The following RPTN variants were observed in gnomAD, a reference collection of about 807,000 sequenced individuals.
RPTN encodes repetin.
In RPTN, 4 loss-of-function variants were observed where a neutral mutation model predicts 3.6. That is an observed-to-expected ratio of 1.12 (90% confidence interval 0.55 to 2.55). RPTN has a LOEUF of 2.55. Ranked by LOEUF, RPTN falls within the 30% of genes most tolerant of loss-of-function variation. The pLI, the probability that RPTN is intolerant of heterozygous loss-of-function variation, is 0.02. For synonymous variants in RPTN, 293 were observed against 319.3 expected (o/e 0.92, Z 0.88); for missense variants, 860 against 916.7 (o/e 0.94, Z 0.80).
rs202164910 is a variant in RPTN, at chr1:152,154,816, G to C, written c.2283C>G (p.Thr761=). ...EQSHQRRDRQ[T]HEDKQNRQRR... Reference sequence around the variant, plus strand: ...TCTGACGGTTCTGCTTGTCTTCATGGGTTTGCCTGTCTCGTCTCTGATGGC... The same window carrying C: ...TCTGACGGTTCTGCTTGTCTTCATGCGTTTGCCTGTCTCGTCTCTGATGGC... Residue 761 remains threonine, a synonymous_variant, in exon 3 of 3, where the codon ACC becomes ACG. Transcript: ENST00000316073. 6.2e-7 allele frequency: 1 copy of C among 1,613,808 alleles called. No homozygotes were observed. The highest frequency in any genetic ancestry group is 1.7e-5 in the Admixed American group (1 of 60,000).
chr1:152,156,901 A>T lies in RPTN; in HGVS notation c.198T>A (p.Asp66Glu). The T allele has an allele frequency of 6.2e-7, 1 of 1,614,080 alleles. No homozygotes were observed. The highest frequency in any genetic ancestry group is 8.5e-7 in the Non-Finnish European group (1 of 1,180,010). Reference sequence around the variant, plus strand: ...GGTACTCATGAAAATCAATATGTCCATCTCGGTCTTGATCTAAGAGGTTCA... The same window carrying T: ...GGTACTCATGAAAATCAATATGTCCTTCTCGGTCTTGATCTAAGAGGTTCA... ...TILNLLDQDR[D>E]GHIDFHEYLL... The change falls in exon 3 of 3, where the codon GAT becomes GAA. Residue 66 changes from aspartate (D) to glutamate (E), a missense_variant. By Grantham distance (45) the Asp-to-Glu change is conservative. Coordinates refer to ENST00000316073, the MANE Select transcript of RPTN (RefSeq NM_001122965.1).
At position 152,154,999 on chromosome 1, in the gene RPTN, C is replaced by T. The variant is rs758405667; in HGVS notation, c.2100G>A (p.Gly700=). ...QAQTRQSHGE[G]LSHWAEEEQG... Reference sequence around the variant, plus strand: ...GCTCTTCCTCTGCCCAGTGGCTCAGCCCCTCACCATGACTCTGCCTGGTCT... The same window carrying T: ...GCTCTTCCTCTGCCCAGTGGCTCAGTCCCTCACCATGACTCTGCCTGGTCT... The change falls in exon 3 of 3, where the codon GGG becomes GGA. Residue 700 remains glycine (G), a synonymous_variant. Coordinates refer to ENST00000316073, the MANE Select transcript of RPTN (RefSeq NM_001122965.1). 11 of 1,613,738 alleles carry T rather than the reference C, an allele frequency of 6.8e-6. No homozygotes were observed. The Admixed American group carries it at 1.0e-4, about 15-fold the overall frequency.
intron 2 of RPTN, among the ~76,000 whole-genome samples, 192 bp downstream of exon 2, chr1:152,157,559 GT>G (rs1659229419): frequency 1.7e-4 from 2 of 12,040 alleles, no homozygotes; most frequent in African/African-American, 3.8e-4. Context: ...ATACAAGGAG[GT>G]GTGTGTGTGT....
In RPTN at chr1:152,155,273, T is replaced by G. The variant is rs2101556238; in HGVS notation, c.1826A>C (p.Tyr609Ser). ...CCCTGATCTTCCTGATTGTTCAACA[T>G]AAGAGGCTTTTCTTGTTCCTTCAGT... ...QGTEGTRKAS[Y>S]VEQSGRSGRL... is the part of the protein sequence containing the mutation. The change falls in exon 3 of 3, where the codon TAT becomes TCT. Residue 609 changes from tyrosine to serine, a missense_variant. By Grantham distance (144) the Tyr-to-Ser change is moderately radical. Transcript: ENST00000316073. 6.2e-7 allele frequency: 1 copy of G among 1,614,256 alleles called. No homozygotes were observed. The highest frequency in any genetic ancestry group is 2.2e-5 in the East Asian group (1 of 44,888).
chr1:152,156,590 T>C lies in RPTN; in HGVS notation c.509A>G (p.His170Arg). 9.6e-7 allele frequency: 1 copy of C among 1,041,036 alleles called. No individual in the cohort carries two copies. The highest frequency in any genetic ancestry group is 1.2e-6 in the Non-Finnish European group (1 of 810,584). The allele number at this position is 1,041,036 out of a possible 1,614,324, so 64.5% of individuals were successfully genotyped here. Residue 170 changes from histidine (H) to arginine (R), a missense_variant, in exon 3 of 3, where the codon CAC (histidine) becomes CGC (arginine). His to Arg is a conservative substitution (Grantham distance 29). Coordinates refer to ENST00000316073, the MANE Select transcript of RPTN (RefSeq NM_001122965.1). Reference protein sequence around the residue: ...QSEKQDRDSHHSQPERQDRDS... With the variant: ...QSEKQDRDSHRSQPERQDRDS... ...TCTGTCTTGTCTCTCAGGCTGACTG[T>C]GGTGGGAATCTCTGTCTTGTTTCTC... is the stretch of plus-strand genomic sequence containing the variant.
chr1:152,157,931 C>A (rs1264713831), intron 1 of RPTN, 22 bp from the exon 2 acceptor site: 12 of 1,607,896 alleles, frequency 7.5e-6, no homozygotes, highest in Non-Finnish European at 1.0e-5. Context: ...AACAAGATTT[C>A]TCCTGCCGTT....
In RPTN at chr1:152,155,634, T is replaced by C. The variant is rs560526979; in HGVS notation, c.1465A>G (p.Lys489Glu). ...DKQGQSSHYGKIDRQDQSYHY... is the reference protein window; with the variant it reads ...DKQGQSSHYGEIDRQDQSYHY... ...TAACTCTGGTCTTGTCTGTCTATCT[T>C]ACCATAGTGGGAACTCTGGCCTTGT... Residue 489 changes from lysine to glutamate, a missense_variant, in exon 3 of 3, where the codon AAG becomes GAG. By Grantham distance (56) the Lys-to-Glu change is moderately conservative (BLOSUM62 1). Transcript: ENST00000316073. 6.4e-7 allele frequency: 1 copy of C among 1,566,568 alleles called. No homozygotes were observed. Among genetic ancestry groups the C allele is most frequent in the Non-Finnish European group, 8.6e-7 (1 of 1,159,174 alleles).
chr1:152,155,100 G>A lies in RPTN; in HGVS notation c.1999C>T (p.Gln667Ter), dbSNP rs1031122884. The part of the protein sequence containing the change: ...HHQHKLLAQI[Q>*]QERPLCHKGR... ...TTGTGACAAAGTGGTCTTTCTTGTT[G>A]GATTTGTGCTAAGAGTTTGTGTTGG... Residue 667 changes from glutamine (Q) to a stop codon, truncating the protein, a stop_gained, in exon 3 of 3, where the codon CAA (glutamine) becomes TAA (stop). Coordinates refer to ENST00000316073, the MANE Select transcript of RPTN (RefSeq NM_001122965.1). LOFTEE classifies it low-confidence loss of function (END_TRUNC). 1 of 1,613,982 alleles carries A rather than the reference G, an allele frequency of 6.2e-7. No homozygotes were observed. Among genetic ancestry groups the A allele is most frequent in the Non-Finnish European group, 8.5e-7 (1 of 1,180,016 alleles).
Position 152,155,175 on chromosome 1 carries a change from G to A in RPTN, c.1924C>T (p.Gln642Ter), listed in dbSNP as rs969476097. 6.2e-7 allele frequency: 1 copy of A among 1,614,196 alleles called. No individual in the cohort carries two copies. Among genetic ancestry groups the A allele is most frequent in the African/African-American group, 1.3e-5 (1 of 75,058 alleles). Residue 642 changes from glutamine (Q) to a stop codon, truncating the protein, a stop_gained, in exon 3 of 3, where the codon CAG (glutamine) becomes TAG (stop). Coordinates refer to ENST00000316073, the MANE Select transcript of RPTN (RefSeq NM_001122965.1). LOFTEE classifies it low-confidence loss of function (END_TRUNC). ...TCCCATACCTGGTGGCCGTTCTGCT[G>A]TGAGTCCCTAGACTGGAATCCCTGT... ...QGQGFQSRDS[Q>*]QNGHQVWEPE... is the part of the protein sequence containing the mutation.
Position 152,153,597 on chromosome 1 carries a change from T to C in RPTN, c.*1147A>G, listed in dbSNP as rs1340345803. 6.6e-6 allele frequency: 1 copy of C among 152,304 alleles called. No homozygotes were observed. The highest frequency in any genetic ancestry group is 1.5e-5 in the Non-Finnish European group (1 of 68,038). 9.4% of individuals were successfully genotyped at this position (152,304 alleles called of 1,614,324 possible). A position where few individuals can be genotyped will look rare whatever the true frequency, so the allele number is the denominator to read the frequency against. On this transcript the variant is annotated 3_prime_UTR_variant, in exon 3 of 3. Transcript: ENST00000316073. ...GTGAAGAAAGGAGTCATGACAGTTA[T>C]TGCTCATCAATTATTTATTAGATAT...
Position 152,156,189 on chromosome 1 carries a change from T to C in RPTN, c.910A>G (p.Ser304Gly), listed in dbSNP as rs373355149. The C allele has an allele frequency of 3.2e-5, 51 of 1,613,554 alleles. No homozygotes were observed. Among genetic ancestry groups the C allele is most frequent in the Non-Finnish European group, 4.2e-5 (49 of 1,179,912 alleles). ...CTGTCTGTCTGACCATAATGATAAC[T>C]CTGGTCTTGTCTGTCCGTCTGACCG... ...HYGQTDRQDQ[S>G]YHYGQTDRQG... The change falls in exon 3 of 3, where the codon AGT (serine) becomes GGT (glycine). Residue 304 changes from serine (S) to glycine (G), a missense_variant. Physicochemically the swap from Ser to Gly is moderately conservative, Grantham distance 56. Coordinates refer to ENST00000316073, the MANE Select transcript of RPTN (RefSeq NM_001122965.1).
At position 152,153,973 on chromosome 1, in the gene RPTN, G is replaced by C. The variant is rs1281448803; in HGVS notation, c.*771C>G. 6.6e-6 allele frequency: 1 copy of C among 152,298 alleles called. No individual in the cohort carries two copies. Among genetic ancestry groups the C allele is most frequent in the East Asian group, 1.9e-4 (1 of 5,192 alleles). The allele number at this position is 152,298 out of a possible 1,614,324, so 9.4% of individuals were successfully genotyped here. Reference sequence around the variant, plus strand: ...GAAATTCCTGATGTTTTATCCACAGGAGCCAAAGCTCACCAAATCTAGGGT... The same window carrying C: ...GAAATTCCTGATGTTTTATCCACAGCAGCCAAAGCTCACCAAATCTAGGGT... On this transcript the variant is annotated 3_prime_UTR_variant, in exon 3 of 3. Coordinates refer to ENST00000316073, the MANE Select transcript of RPTN (RefSeq NM_001122965.1).
In RPTN at chr1:152,156,606, C is replaced by G. The variant is rs768741682; in HGVS notation, c.493G>C (p.Asp165His). 1 of 1,040,750 alleles carries G rather than the reference C, an allele frequency of 9.6e-7. No homozygotes were observed. The highest frequency in any genetic ancestry group is 5.3e-5 in the Admixed American group (1 of 18,984). The allele number at this position is 1,040,750 out of a possible 1,614,324, so 64.5% of individuals were successfully genotyped here. A position where few individuals can be genotyped will look rare whatever the true frequency, so the allele number is the denominator to read the frequency against. Residue 165 changes from aspartate to histidine, a missense_variant, in exon 3 of 3, where the codon GAC becomes CAC. By Grantham distance (81) the Asp-to-His change is moderately conservative. Coordinates refer to ENST00000316073, the MANE Select transcript of RPTN (RefSeq NM_001122965.1). ...DSHHGQSEKQ[D>H]RDSHHSQPER... ...GGCTGACTGTGGTGGGAATCTCTGT[C>G]TTGTTTCTCAGACTGACCATGGTGG...
chr1:152,155,717 G>T lies in RPTN; in HGVS notation c.1382C>A (p.Ser461Tyr), dbSNP rs2101556977. Residue 461 changes from serine to tyrosine, a missense_variant, in exon 3 of 3, where the codon TCC (serine) becomes TAC (tyrosine). Transcript: ENST00000316073. ...YGQTDRQGQS[S>Y]HYGQTDRQGQ... is the part of the protein sequence containing the mutation. ...TTGTCTGTCTGTCTGACCATAGTGGGAACTCTGGCCTTGTCTGTCTGTCTG... is the reference window on the plus strand; with the variant it reads ...TTGTCTGTCTGTCTGACCATAGTGGTAACTCTGGCCTTGTCTGTCTGTCTG... 1.3e-6 allele frequency: 2 copies of T among 1,598,556 alleles called. No individual in the cohort carries two copies. The highest frequency in any genetic ancestry group is 1.1e-5 in the South Asian group (1 of 90,374).
rs1659137173 is a variant in RPTN, at chr1:152,153,741, C to T, written c.*1003G>A. The stretch of plus-strand genomic sequence containing the variant: ...TGCAAACATATGACATATACTTTCT[C>T]TTTATTTTATATAATCAGAAACTAG... On this transcript the variant is annotated 3_prime_UTR_variant, in exon 3 of 3. Transcript: ENST00000316073. 1 of 152,162 alleles carries T rather than the reference C, an allele frequency of 6.6e-6. No homozygotes were observed. The highest frequency in any genetic ancestry group is 1.5e-5 in the Non-Finnish European group (1 of 68,022). 9.4% of individuals were successfully genotyped at this position (152,162 alleles called of 1,614,324 possible). A position where few individuals can be genotyped will look rare whatever the true frequency, so the allele number is the denominator to read the frequency against.
Position 152,156,907 on chromosome 1 carries a change from G to T in RPTN, c.192C>A (p.Asp64Glu). The T allele has an allele frequency of 6.2e-7, 1 of 1,614,166 alleles. No homozygotes were observed. Among genetic ancestry groups the T allele is most frequent in the Non-Finnish European group, 8.5e-7 (1 of 1,180,016 alleles). The change falls in exon 3 of 3, where the codon GAC becomes GAA. Residue 64 changes from aspartate to glutamate, a missense_variant. Physicochemically the swap from Asp to Glu is conservative, Grantham distance 45. Coordinates refer to ENST00000316073, the MANE Select transcript of RPTN (RefSeq NM_001122965.1). Reference sequence around the variant, plus strand: ...CATGAAAATCAATATGTCCATCTCGGTCTTGATCTAAGAGGTTCAAGATGG... The same window carrying T: ...CATGAAAATCAATATGTCCATCTCGTTCTTGATCTAAGAGGTTCAAGATGG... ...VETILNLLDQ[D>E]RDGHIDFHEY...
In RPTN at chr1:152,156,790, C is replaced by T. The variant is rs1425775572; in HGVS notation, c.309G>A (p.Arg103=). The stretch of plus-strand genomic sequence containing the variant: ...TACAGTCTTGTGCTCCTTCCTGCCC[C>T]CTTTCTTGCTGTGAGGTCCTGCCTC... ...SHGGRTSQQE[R]GQEGAQDCKF... is the part of the protein sequence containing the mutation. Residue 103 remains arginine (R), a synonymous_variant, in exon 3 of 3, where the codon AGG becomes AGA. Transcript: ENST00000316073. The T allele has an allele frequency of 1.2e-6, 2 of 1,614,070 alleles. No individual in the cohort carries two copies. Among genetic ancestry groups the T allele is most frequent in the Non-Finnish European group, 1.7e-6 (2 of 1,180,036 alleles).
rs757152956 is a variant in RPTN at position 152,156,939 on chromosome 1, C to T, written c.160G>A (p.Val54Met). ...TCTAAGAGGTTCAAGATGGTTTCCA[C>T]AGTCTCTGGGTCATTTGGTCTCTGT... ...ILQRPNDPETVETILNLLDQD... is the reference protein window; with the variant it reads ...ILQRPNDPETMETILNLLDQD... Residue 54 changes from valine (V) to methionine (M), a missense_variant, in exon 3 of 3, where the codon GTG (valine) becomes ATG (methionine). Val to Met is a conservative substitution (Grantham distance 21). Transcript: ENST00000316073. 1.2e-6 allele frequency: 2 copies of T among 1,613,650 alleles called. No homozygotes were observed. The highest frequency in any genetic ancestry group is 2.2e-5 in the East Asian group (1 of 44,872).
rs1659151072 is a variant in RPTN, at chr1:152,154,478, G to C, written c.*266C>G. 1.8e-6 allele frequency: 1 copy of C among 560,206 alleles called. No individual in the cohort carries two copies. The highest frequency in any genetic ancestry group is 1.9e-5 in the African/African-American group (1 of 53,140). The allele number at this position is 560,206 out of a possible 1,614,324, so 34.7% of individuals were successfully genotyped here. On this transcript the variant is annotated 3_prime_UTR_variant, in exon 3 of 3. Coordinates refer to ENST00000316073, the MANE Select transcript of RPTN (RefSeq NM_001122965.1). ...GTCATAGGGGGGGTTGGGAACAGTA[G>C]CTCCCTTGGCAGGGTGACCACGCTG...
Sources: gnomAD v4.1 joint callset for allele counts (sites outside exome capture counted in the v4.1 genomes callset) on GRCh38, gnomAD v4.1.1 for gene constraint, MANE v1.5 for transcripts, NCBI Gene and HGNC (gene_info 2026-07-23, HGNC 2026-07-21) for gene names.